The following NTRK3 variants were observed in gnomAD, a reference collection of about 807,000 sequenced individuals.
NTRK3 encodes the protein neurotrophic receptor tyrosine kinase 3, also known as NT-3 growth factor receptor.
NTRK3 carries 24 observed loss-of-function variants against 91.7 expected under a neutral mutation model. The observed-to-expected ratio is 0.26, with a 90% CI of 0.19 to 0.37. The LOEUF (loss-of-function observed/expected upper bound fraction) is 0.37, where lower values mean the gene tolerates loss of function less well. Ranked by LOEUF, NTRK3 falls within the 10% of genes least tolerant of loss-of-function variation. NTRK3 has a pLI of 1.00. For synonymous variants in NTRK3, 483 were observed against 404.0 expected (o/e 1.20, Z -2.34); for missense variants, 880 against 1,068.9 (o/e 0.82, Z 2.46).
At chr15:87,979,231 C>T in intron 14 of NTRK3, 1 of 835,666 alleles carries the variant, frequency 1.2e-6, no homozygotes, top group Non-Finnish European at 2.1e-6. Context: ...GTGGCTCATG[C>T]AGTTTCTACT....
chr15:88,102,975 G>C (rs953645499), intron 13 of NTRK3, among the ~76,000 whole-genome samples: 2 of 152,192 alleles, frequency 1.3e-5, no homozygotes, highest in African/African-American at 4.8e-5. Flanking sequence ...CAGCCTAATA[G>C]AAAGTACCTA....
At chr15:88,005,014 G>C (rs1398100130) in intron 14 of NTRK3, among the ~76,000 whole-genome samples, 1 of 152,170 alleles carries the variant, frequency 6.6e-6, no homozygotes, top group Non-Finnish European at 1.5e-5. Context: ...GGCCTAGAGA[G>C]CTTAAGTAAT....
chr15:88,162,439 G>A (rs1450930339), intron 5 of NTRK3, among the ~76,000 whole-genome samples: 1 of 152,186 alleles, frequency 6.6e-6, no homozygotes, highest in Non-Finnish European at 1.5e-5. Flanking sequence ...AAAGCCAACT[G>A]TGAATGAACG....
intron 13 of NTRK3, among the ~76,000 whole-genome samples, chr15:88,058,814 C>A (rs147683755): frequency 6.6e-6 from 1 of 152,196 alleles, no homozygotes; most frequent in East Asian, 1.9e-4. Context: ...AATGTCATTG[C>A]ACATGGGATG....
intron 17 of NTRK3, among the ~76,000 whole-genome samples, chr15:87,884,391 T>A (rs927862110): frequency 3.3e-5 from 5 of 151,918 alleles, no homozygotes; most frequent in African/African-American, 1.2e-4. Flanking sequence ...GGTTGAGTTC[T>A]ATTAAAGTTT....
At chr15:88,030,066 C>G (rs1006617226) in intron 14 of NTRK3, among the ~76,000 whole-genome samples, 6 of 152,340 alleles carry the variant, frequency 3.9e-5, no homozygotes, top group East Asian at 3.9e-4. Context: ...GAAAGTCCCA[C>G]TTCTTTAAAA....
At chr15:88,214,230 G>A (rs527941268) in intron 3 of NTRK3, among the ~76,000 whole-genome samples, 46 of 152,308 alleles carry the variant, frequency 3.0e-4, no homozygotes, top group Admixed American at 6.5e-5. Flanking sequence ...GAGGCTGGAA[G>A]TCAGAAATCA....
rs1025799398 is a variant in NTRK3 at position 88,077,310 on chromosome 15, A to G, written c.1397-44265T>C. 4.0e-5 allele frequency among the ~76,000 whole-genome samples: 6 copies of G among 151,874 alleles called. No homozygotes were observed. The East Asian group carries it at 5.8e-4, about 15-fold the overall frequency. On this transcript the variant is annotated intron_variant, in intron 13 of 18. Coordinates refer to ENST00000394480, the Ensembl canonical transcript of NTRK3. ...TCAGCAACATCTTGACCCCAGACCA[A>G]TGTTTTATCTTGAGTCACGAACTGC...
intron 17 of NTRK3, among the ~76,000 whole-genome samples, chr15:87,907,640 G>A (rs745547940): frequency 1.7e-4 from 26 of 152,202 alleles, no homozygotes; most frequent in Non-Finnish European, 3.5e-4. Flanking sequence ...CTCTCAAGAT[G>A]GCAAGCAGAA....
At position 87,910,979 on chromosome 15, in the gene NTRK3, ATG is replaced by A. The variant is rs2067058051; in HGVS notation, c.2133+18210_2133+18211del. On this transcript the variant is annotated intron_variant, in intron 17 of 18. Coordinates refer to ENST00000394480, the Ensembl canonical transcript of NTRK3. ...GAAGCCCAAAAAATTAAGACAGAAG[ATG>A]AAAAGTACTTATTTCAATATTCAGG... Among the ~76,000 whole-genome samples the A allele has an allele frequency of 3.3e-5, 5 of 152,210 alleles. 1 individual carries two copies. In the South Asian group the frequency reaches 8.3e-4, roughly 25 times the overall value.
At chr15:88,097,640 A>C (rs1214493589) in intron 13 of NTRK3, among the ~76,000 whole-genome samples, 2 of 152,252 alleles carry the variant, frequency 1.3e-5, no homozygotes, top group Non-Finnish European at 2.9e-5. Flanking sequence ...TTTGTAACTT[A>C]AGTGACCAAT....
At chr15:88,122,379 G>GCTGACAGAGA in intron 13 of NTRK3, among the ~76,000 whole-genome samples, 1 of 152,298 alleles carries the variant, frequency 6.6e-6, no homozygotes, top group South Asian at 2.1e-4. Flanking sequence ...GGGAGAGACA[G>GCTGACAGAGA]CTGACAGAGA....
intron 17 of NTRK3, among the ~76,000 whole-genome samples, chr15:87,894,436 ACAATG>A (rs2066003800): frequency 6.6e-6 from 1 of 152,198 alleles, no homozygotes; most frequent in Non-Finnish European, 1.5e-5. Flanking sequence ...TGTGTGTGTG[ACAATG>A]CATGTGCATC....
chr15:88,084,768 A>T (rs1385444393), intron 13 of NTRK3, among the ~76,000 whole-genome samples: 1 of 152,170 alleles, frequency 6.6e-6, no homozygotes, highest in Admixed American at 6.5e-5. Flanking sequence ...CATTTTCTTA[A>T]ACCTCAGGGA....
intron 13 of NTRK3, among the ~76,000 whole-genome samples, chr15:88,113,091 AC>A (rs751511824): frequency 7.2e-5 from 11 of 152,156 alleles, no homozygotes; most frequent in Non-Finnish European, 1.5e-4. Flanking sequence ...ATTCAGACCA[AC>A]CCAGTCATTA....
chr15:87,989,411 C>T (rs920975882), intron 14 of NTRK3, among the ~76,000 whole-genome samples: 2 of 152,126 alleles, frequency 1.3e-5, no homozygotes, highest in African/African-American at 4.8e-5. Flanking sequence ...GGACAAAAAA[C>T]CAAACACCAC....
chr15:88,044,310 G>A (rs978906730), intron 13 of NTRK3, among the ~76,000 whole-genome samples: 2 of 139,170 alleles, frequency 1.4e-5, no homozygotes, highest in South Asian at 2.5e-4. Flanking sequence ...GCCCAAGCTG[G>A]AGTGCAGTGA....
intron 17 of NTRK3, among the ~76,000 whole-genome samples, chr15:87,909,555 A>G (rs1422086138): frequency 6.6e-6 from 1 of 152,206 alleles, no homozygotes; most frequent in African/African-American, 2.4e-5. Flanking sequence ...AGGGACGAAC[A>G]GAAAGAAAGA....
intron 3 of NTRK3, among the ~76,000 whole-genome samples, chr15:88,246,205 AC>A (rs1350874388): frequency 1.3e-5 from 2 of 152,234 alleles, no homozygotes; most frequent in Non-Finnish European, 2.9e-5. Flanking sequence ...CCTGGAACAG[AC>A]AGACGAGCCA....
Sources: gnomAD v4.1 joint callset for allele counts (sites outside exome capture counted in the v4.1 genomes callset) on GRCh38, gnomAD v4.1.1 for gene constraint, MANE v1.5 for transcripts, NCBI Gene and HGNC (gene_info 2026-07-23, HGNC 2026-07-21) for gene names.